The following TENM3 variants were observed in gnomAD, a reference collection of about 807,000 sequenced individuals.
TENM3 encodes the protein teneurin-3.
A neutral mutation model predicts 255.1 loss-of-function variants in TENM3; 63 were observed. That is an observed-to-expected ratio of 0.25 (90% CI 0.20 to 0.30). TENM3 has a LOEUF of 0.30. TENM3 is among the 10% of genes least tolerant of loss of function. The pLI is 1.00. For synonymous variants in TENM3, 1,306 were observed against 1,322.3 expected (o/e 0.99, Z 0.27); for missense variants, 2,929 against 3,461.1 (o/e 0.85, Z 3.86).
the TENM3 span, among the ~76,000 whole-genome samples, chr4:182,100,776 TATATATACACATATATATACAC>T: frequency 2.8e-4 from 12 of 42,220 alleles, no homozygotes; most frequent in African/African-American, 1.1e-3. Context: ...TATATACACA[TATATATACACATATATATACAC>T]ATATATATAC....
the TENM3 span, among the ~76,000 whole-genome samples, chr4:182,118,443 TA>T: frequency 6.6e-5 from 10 of 151,868 alleles, no homozygotes; most frequent in Admixed American, 2.0e-4. Context: ...TTTTAAATTT[TA>T]TTTTTTATTT....
At chr4:181,889,513 A>G in the TENM3 span, among the ~76,000 whole-genome samples, 1 of 152,178 alleles carries the variant, frequency 6.6e-6, no homozygotes, top group Non-Finnish European at 1.5e-5. Context: ...CCTAGCACAC[A>G]TGGTATGCTT....
At chr4:182,428,772 G>T (rs956981449) in intron 3 of TENM3, among the ~76,000 whole-genome samples, 1 of 151,804 alleles carries the variant, frequency 6.6e-6, no homozygotes, top group African/African-American at 2.4e-5. Context: ...AAATTTCCTA[G>T]CACAGTATTT....
At chr4:182,387,644 G>A (rs531115330) in intron 3 of TENM3, among the ~76,000 whole-genome samples, 1 of 152,162 alleles carries the variant, frequency 6.6e-6, no homozygotes, top group East Asian at 1.9e-4. Context: ...AGCCCAGGGA[G>A]TCCACGAGCC....
the TENM3 span, among the ~76,000 whole-genome samples, chr4:181,776,629 T>C: frequency 6.6e-6 from 1 of 152,190 alleles, no homozygotes; most frequent in South Asian, 2.1e-4. Context: ...TGCATTAAAA[T>C]GATATCTCAT....
At chr4:182,031,467 T>C in the TENM3 span, among the ~76,000 whole-genome samples, 1 of 152,200 alleles carries the variant, frequency 6.6e-6, no homozygotes, top group African/African-American at 2.4e-5. Flanking sequence ...CGTTGCAGTG[T>C]AGTTTGAAGT....
chr4:182,585,248 C>T (rs1171155051), intron 3 of TENM3, among the ~76,000 whole-genome samples: 1 of 152,008 alleles, frequency 6.6e-6, no homozygotes, highest in Non-Finnish European at 1.5e-5. Flanking sequence ...GGAGTATTTA[C>T]AATAGGAAAT....
the TENM3 span, among the ~76,000 whole-genome samples, chr4:181,554,498 T>C: frequency 4.6e-5 from 7 of 152,170 alleles, no homozygotes; most frequent in African/African-American, 1.7e-4. Context: ...TTGAGAAGAT[T>C]CAAGAGAATC....
chr4:182,000,792 C>G, the TENM3 span, among the ~76,000 whole-genome samples: 1 of 149,956 alleles, frequency 6.7e-6, no homozygotes, highest in African/African-American at 2.5e-5. Context: ...GAGAAGTCAG[C>G]GATGTTAGGC....
the TENM3 span, among the ~76,000 whole-genome samples, chr4:181,915,886 C>T: frequency 6.6e-6 from 1 of 152,266 alleles, no homozygotes; most frequent in African/African-American, 2.4e-5. Flanking sequence ...GATCCGTACC[C>T]AGCAGGCATT....
Position 182,290,983 on chromosome 4 carries a change from G to A in TENM3, c.-75-32963G>A, listed in dbSNP as rs184210778. Among the ~76,000 whole-genome samples the A allele has an allele frequency of 7.2e-3, 1,094 of 152,078 alleles. 10 individuals carry two copies. Among genetic ancestry groups the A allele is most frequent in the South Asian group, 0.019 (90 of 4,816 alleles). ...TTACAGGCACGCACCACCACGCCTG[G>A]CTAATTTTTGTATTTTTAGTAGAGA... On this transcript the variant is annotated intron_variant, in intron 1 of 27. Coordinates refer to ENST00000511685, the MANE Select transcript of TENM3 (RefSeq NM_001080477.4).
At chr4:182,508,917 T>C (rs780231370) in intron 3 of TENM3, among the ~76,000 whole-genome samples, 4 of 152,198 alleles carry the variant, frequency 2.6e-5, no homozygotes, top group African/African-American at 7.2e-5. Context: ...TAATGAGATA[T>C]GAACGTCCAG....
At chr4:181,651,875 T>C in the TENM3 span, among the ~76,000 whole-genome samples, 1 of 152,150 alleles carries the variant, frequency 6.6e-6, no homozygotes, top group African/African-American at 2.4e-5. Flanking sequence ...TTGATTGCAC[T>C]TCAATGGACA....
chr4:182,302,454 C>T (rs1469484050), intron 1 of TENM3, among the ~76,000 whole-genome samples: 1 of 152,174 alleles, frequency 6.6e-6, no homozygotes, highest in Non-Finnish European at 1.5e-5. Context: ...ACAGACGGAT[C>T]TACTTCGCTG....
intron 1 of TENM3, among the ~76,000 whole-genome samples, chr4:182,300,873 G>A (rs891109346): frequency 6.6e-6 from 1 of 152,094 alleles, no homozygotes; most frequent in African/African-American, 2.4e-5. Context: ...ATTTAATGAT[G>A]AATTACAAAA....
intron 3 of TENM3, among the ~76,000 whole-genome samples, chr4:182,516,751 C>T (rs1455777616): frequency 5.9e-5 from 9 of 152,048 alleles, no homozygotes; most frequent in South Asian, 2.1e-4. Context: ...ATTAGCTGGG[C>T]GTGATGGCAC....
At chr4:181,824,052 A>T in the TENM3 span, among the ~76,000 whole-genome samples, 1 of 152,188 alleles carries the variant, frequency 6.6e-6, no homozygotes, top group African/African-American at 2.4e-5. Flanking sequence ...CATGCTGCTC[A>T]GTCTTACAAA....
chr4:181,947,290 A>G, the TENM3 span, among the ~76,000 whole-genome samples: 3 of 152,242 alleles, frequency 2.0e-5, no homozygotes, highest in Non-Finnish European at 2.9e-5. Context: ...ATTTTTAAAA[A>G]TGCAAAATTG....
At chr4:182,374,180 T>C (rs1767027643) in intron 3 of TENM3, among the ~76,000 whole-genome samples, 1 of 152,182 alleles carries the variant, frequency 6.6e-6, no homozygotes, top group African/African-American at 2.4e-5. Flanking sequence ...CATTCAGATA[T>C]CCCTTTCTTC....
Sources: gnomAD v4.1 joint callset for allele counts (sites outside exome capture counted in the v4.1 genomes callset) on GRCh38, gnomAD v4.1.1 for gene constraint, MANE v1.5 for transcripts, NCBI Gene and HGNC (gene_info 2026-07-23, HGNC 2026-07-21) for gene names.